The following PARP6 variants were observed in gnomAD, a reference collection of about 807,000 sequenced individuals.
PARP6 encodes the protein poly(ADP-ribose) polymerase family member 6, also known as protein mono-ADP-ribosyltransferase PARP6.
A neutral mutation model predicts 92.0 loss-of-function variants in PARP6; 27 were observed. The observed-to-expected ratio is 0.29, with a 90% CI of 0.22 to 0.40. The LOEUF is 0.40. Ranked by LOEUF, PARP6 falls within the 10% of genes least tolerant of loss-of-function variation. The pLI, the probability that PARP6 is intolerant of heterozygous loss-of-function variation, is 1.00. For missense variants in PARP6, 501 were observed against 784.5 expected (o/e 0.64, Z 4.32); for synonymous variants, 272 against 281.2 (o/e 0.97, Z 0.33).
rs1411359128 is a variant in PARP6, at chr15:72,241,325, A to G, written c.*130T>C. On this transcript the variant is annotated 3_prime_UTR_variant, in exon 24 of 24. Coordinates refer to ENST00000569795, the MANE Select transcript of PARP6 (RefSeq NM_001323532.2). This position sits in a 1 kb window ranked among gnomAD's most constrained non-coding sequence, Gnocchi z 4.1. ...CTCTACCATGAAGGCCACCTCTTAC[A>G]TATCCTTTTCCTGCCCCTTGGTAAT... 6.9e-6 allele frequency: 5 copies of G among 727,772 alleles called. No homozygotes were observed. In the Admixed American group the frequency reaches 1.0e-4, roughly 15 times the overall value. The allele number at this position is 727,772 out of a possible 1,614,324, so 45.1% of individuals were successfully genotyped here.
intron 4 of PARP6, 130 bp from the exon 5 acceptor site, chr15:72,266,121 C>A: frequency 1.4e-6 from 1 of 691,922 alleles, no homozygotes; most frequent in South Asian, 1.6e-5. Flanking sequence ...GAAGTAAAAG[C>A]CACTTATGTG....
At position 72,272,545 on chromosome 15, in the gene PARP6, G is replaced by C. The variant is rs1186657118; in HGVS notation, c.-612C>G. On this transcript the variant is annotated 5_prime_UTR_variant, in exon 1 of 24. Coordinates refer to ENST00000569795, the MANE Select transcript of PARP6 (RefSeq NM_001323532.2). ...CGCGGCCGCAGCCGACGGGACGAGC[G>C]GCCCGGGACGCCCCGCGGGGGCGGA... 6.6e-6 allele frequency: 1 copy of C among 150,862 alleles called. No homozygotes were observed. The highest frequency in any genetic ancestry group is 1.5e-5 in the Non-Finnish European group (1 of 67,646). 9.3% of individuals were successfully genotyped at this position (150,862 alleles called of 1,614,324 possible).
chr15:72,259,789 G>C, intron 10 of PARP6, 128 bp from the exon 11 acceptor site: 1 of 771,794 alleles, frequency 1.3e-6, no homozygotes, highest in East Asian at 2.5e-5. Context: ...CCCGAAGCTA[G>C]AAAGGAGACT....
intron 11 of PARP6, 47 bp from the exon 12 acceptor site, chr15:72,258,179 C>T: frequency 1.5e-6 from 2 of 1,352,070 alleles, no homozygotes; most frequent in Non-Finnish European, 1.1e-6. Context: ...CTGGCACACA[C>T]AGATATGGGA....
At position 72,242,538 on chromosome 15, in the gene PARP6, C is replaced by A; in HGVS notation, c.1641+82G>T. The A allele has an allele frequency of 1.1e-6, 1 of 952,146 alleles. No individual in the cohort carries two copies. Among genetic ancestry groups the A allele is most frequent in the Admixed American group, 1.7e-5 (1 of 58,580 alleles). 59.0% of individuals were successfully genotyped at this position (952,146 alleles called of 1,614,324 possible). ...CTCAAATCACTCCCCAACCCATTCT[C>A]ACCCCACTGTTTCCCTGTCCAGCTC... On this transcript the variant is annotated intron_variant, in intron 21 of 23. Coordinates refer to ENST00000569795, the MANE Select transcript of PARP6 (RefSeq NM_001323532.2). This position sits in a 1 kb window ranked among gnomAD's most constrained non-coding sequence, Gnocchi z 4.3.
chr15:72,250,890 C>T lies in PARP6; in HGVS notation c.1373G>A (p.Arg458Gln), dbSNP rs1479804804. ...LLSSPPAKEA[R>Q]FRTAKKLYGS... The stretch of plus-strand genomic sequence containing the variant: ...ATAGAGCTTCTTGGCGGTCCGGAAC[C>T]GAGCCTCCTTGGCAGGAGGGCTGCT... Residue 458 changes from arginine to glutamine, a missense_variant, in exon 18 of 24, where the codon CGG (arginine) becomes CAG (glutamine). Physicochemically the swap from Arg to Gln is conservative, Grantham distance 43. This residue lies in a region of PARP6 where 191 missense variants were observed against 399.1 expected (regional missense o/e 0.48). Coordinates refer to ENST00000569795, the MANE Select transcript of PARP6 (RefSeq NM_001323532.2). 1.9e-6 allele frequency: 3 copies of T among 1,613,680 alleles called. No individual in the cohort carries two copies. The highest frequency in any genetic ancestry group is 2.5e-6 in the Non-Finnish European group (3 of 1,179,822).
intron 2 of PARP6, among the ~76,000 whole-genome samples, chr15:72,269,637 T>C (rs977729240): frequency 5.9e-5 from 9 of 152,004 alleles, no homozygotes; most frequent in Non-Finnish European, 1.2e-4. Context: ...CTGAGGCTCA[T>C]GCCTGTAATC....
chr15:72,261,848 T>C, intron 8 of PARP6, 141 bp from the exon 9 acceptor site: 1 of 766,496 alleles, frequency 1.3e-6, no homozygotes, highest in South Asian at 1.7e-5. Context: ...TGAAGACCCC[T>C]TTAAATGACC....
chr15:72,260,813 G>T, intron 9 of PARP6, 125 bp from the exon 10 acceptor site: 1 of 725,428 alleles, frequency 1.4e-6, no homozygotes, highest in Non-Finnish European at 2.5e-6. Flanking sequence ...TCATATCTGA[G>T]GAAAGTTGCA....
chr15:72,250,802 C>A, intron 18 of PARP6, 43 bp downstream of exon 18: 1 of 950,810 alleles, frequency 1.1e-6, no homozygotes, highest in East Asian at 2.6e-5. Flanking sequence ...TGCTCATCCC[C>A]GCCCCCTCAC....
chr15:72,260,090 G>A (rs967340883), intron 10 of PARP6, among the ~76,000 whole-genome samples: 3 of 152,218 alleles, frequency 2.0e-5, no homozygotes, highest in African/African-American at 7.2e-5. Flanking sequence ...GGGAGGTGAA[G>A]GAAGGCGGAT....
chr15:72,249,105 G>T (rs1483202435), intron 20 of PARP6, 140 bp downstream of exon 20: 6 of 449,554 alleles, frequency 1.3e-5, no homozygotes, highest in African/African-American at 2.0e-5. Flanking sequence ...TAGAGAGAGA[G>T]AGAATATGTA....
chr15:72,256,805 C>T lies in PARP6; in HGVS notation c.1000-215G>A, dbSNP rs561877167. Among the ~76,000 whole-genome samples, 3 of 152,356 alleles carry T rather than the reference C, an allele frequency of 2.0e-5. No individual in the cohort carries two copies. In the South Asian group the frequency reaches 6.2e-4, roughly 32 times the overall value. On this transcript the variant is annotated intron_variant, in intron 13 of 23. Coordinates refer to ENST00000569795, the MANE Select transcript of PARP6 (RefSeq NM_001323532.2). Reference sequence around the variant, plus strand: ...GCCCTTAAACTAATCTCAATTCTCACAGCTAAGTACTAGTGAGTTTGATGT... The same window carrying T: ...GCCCTTAAACTAATCTCAATTCTCATAGCTAAGTACTAGTGAGTTTGATGT...
intron 2 of PARP6, among the ~76,000 whole-genome samples, chr15:72,268,232 G>A (rs1254207237): frequency 3.9e-5 from 6 of 152,202 alleles, no homozygotes; most frequent in Non-Finnish European, 5.9e-5. Context: ...TCCTGCTCTA[G>A]CTCATAATGT....
chr15:72,250,134 G>T, intron 18 of PARP6, 42 bp from the exon 19 acceptor site: 2 of 1,305,430 alleles, frequency 1.5e-6, no homozygotes, highest in Admixed American at 1.7e-5. Context: ...ATGATATGAG[G>T]TTCCCAGGAA....
intron 2 of PARP6, among the ~76,000 whole-genome samples, chr15:72,268,865 T>G (rs1316611331): frequency 1.3e-5 from 2 of 152,176 alleles, no homozygotes; most frequent in Admixed American, 6.5e-5. Flanking sequence ...CCCAGAGCCC[T>G]TTCATACACA....
At chr15:72,270,422 A>T (rs1430353866) in intron 2 of PARP6, among the ~76,000 whole-genome samples, 2 of 150,496 alleles carry the variant, frequency 1.3e-5, no homozygotes, top group African/African-American at 4.9e-5. Flanking sequence ...TAAAAAGTTT[A>T]AAAAAAAAAT....
chr15:72,246,148 T>C (rs565489383), intron 20 of PARP6, among the ~76,000 whole-genome samples: 2 of 152,300 alleles, frequency 1.3e-5, no homozygotes, highest in South Asian at 2.1e-4. Flanking sequence ...TAACACATTA[T>C]TGTTTTGTTT....
chr15:72,246,334 G>C (rs560511424), intron 20 of PARP6, among the ~76,000 whole-genome samples: 1 of 152,236 alleles, frequency 6.6e-6, no homozygotes, highest in South Asian at 2.1e-4. Context: ...ATTTTTAGTA[G>C]AGACAGGGTT....
Sources: allele counts gnomAD v4.1 joint callset (sites outside exome capture counted in the v4.1 genomes callset), GRCh38; gene constraint gnomAD v4.1.1; regional missense constraint gnomAD v4.1.1; non-coding constraint Gnocchi (gnomAD v3.1); transcripts MANE v1.5; gene names NCBI Gene and HGNC (gene_info 2026-07-23, HGNC 2026-07-21).